Variants in INTS3 observed in about 807,000 individuals in gnomAD.
INTS3 encodes the protein integrator complex subunit 3, also known as SOSS complex subunit A.
Under a neutral mutation model 146.3 loss-of-function variants are expected in INTS3, and 34 were observed. The ratio of observed to expected loss-of-function variants is 0.23; its 90% CI spans 0.18 to 0.31. INTS3 has a LOEUF of 0.31. Among genes scored for constraint, INTS3 ranks in the 10% least tolerant of loss-of-function variants. The probability of loss-of-function intolerance (pLI) is 1.00; values close to 1 mark genes in which losing one functional copy is unlikely to be tolerated. For missense variants in INTS3, 757 were observed against 1,304.2 expected (o/e 0.58, Z 6.46); for synonymous variants, 475 against 494.9 (o/e 0.96, Z 0.53).
At chr1:153,738,101 A>G (rs1300555511) in intron 1 of INTS3, among the ~76,000 whole-genome samples, 1 of 152,038 alleles carries the variant, frequency 6.6e-6, no homozygotes, top group Non-Finnish European at 1.5e-5. Context: ...CATAATATTT[A>G]TATCATAACT....
In INTS3 at chr1:153,774,239, C is replaced by CCAT. The variant is rs1673048249; in HGVS notation, c.*971_*973dup. Reference sequence around the variant, plus strand: ...GAAGGGACTTGGCTTTGGCCACTACCCATCCTTCCTGCTGCCACTGGAGGT... The same window carrying CCAT: ...GAAGGGACTTGGCTTTGGCCACTACCCATCATCCTTCCTGCTGCCACTGGAGGT... On this transcript the variant is annotated 3_prime_UTR_variant, in exon 30 of 30. Transcript: ENST00000318967. 1 of 152,226 alleles carries CCAT rather than the reference C, an allele frequency of 6.6e-6. No individual in the cohort carries two copies. The allele number at this position is 152,226 out of a possible 1,614,324, so 9.4% of individuals were successfully genotyped here.
Position 153,752,506 on chromosome 1 carries a change from C to T in INTS3, c.859+98C>T, listed in dbSNP as rs78551758. 3,537 of 1,272,548 alleles carry T rather than the reference C, an allele frequency of 2.8e-3. 75 individuals carry two copies. In the African/African-American group the frequency reaches 0.047, roughly 17 times the overall value. 78.8% of individuals were successfully genotyped at this position (1,272,548 alleles called of 1,614,324 possible). ...GGTAGAGGTTGGTGGGTAGGAGAGT[C>T]TTTGGTGGTCAGATTTAGGAAGCCT... On this transcript the variant is annotated intron_variant, in intron 8 of 29. Coordinates refer to ENST00000318967, the MANE Select transcript of INTS3 (RefSeq NM_023015.5).
intron 3 of INTS3, among the ~76,000 whole-genome samples, chr1:153,745,055 T>C (rs1671674062): frequency 2.0e-5 from 3 of 151,990 alleles, no homozygotes; most frequent in Admixed American, 1.3e-4. Flanking sequence ...TAAAAGGTTG[T>C]TATGTATATC....
chr1:153,742,505 T>TGTGTGTGTGTGTGTGTGTGTGTGTGC (rs1016595219), intron 3 of INTS3, among the ~76,000 whole-genome samples: 1 of 151,810 alleles, frequency 6.6e-6, no homozygotes, highest in African/African-American at 2.4e-5. Flanking sequence ...TGTGTGTGTG[T>TGTGTGTGTGTGTGTGTGTGTGTGTGC]GTGCGTGCGC....
intron 1 of INTS3, among the ~76,000 whole-genome samples, chr1:153,734,350 A>T (rs1435958218): frequency 6.6e-6 from 1 of 152,162 alleles, no homozygotes; most frequent in African/African-American, 2.4e-5. Context: ...TTTGTAATCA[A>T]TTTTCCCATC....
intron 1 of INTS3, among the ~76,000 whole-genome samples, chr1:153,729,647 C>G (rs928081300): frequency 4.6e-5 from 7 of 152,126 alleles, no homozygotes; most frequent in Admixed American, 6.6e-5. Context: ...GCAGGCGGAT[C>G]ACAAGGTCAA....
At chr1:153,729,979 C>T (rs563964266) in intron 1 of INTS3, among the ~76,000 whole-genome samples, 1 of 151,970 alleles carries the variant, frequency 6.6e-6, no homozygotes, top group African/African-American at 2.4e-5. Flanking sequence ...AGTACATTAA[C>T]AGGCCTTAGC....
chr1:153,740,550 A>T, intron 1 of INTS3, 101 bp from the exon 2 acceptor site: 1 of 833,612 alleles, frequency 1.2e-6, no homozygotes, highest in Non-Finnish European at 2.1e-6. Context: ...AGCTAGATCA[A>T]TGGGCATGAT....
intron 14 of INTS3, among the ~76,000 whole-genome samples, chr1:153,762,362 T>A (rs1237901819): frequency 6.6e-6 from 1 of 152,208 alleles, no homozygotes; most frequent in African/African-American, 2.4e-5. Flanking sequence ...GAGAATTACG[T>A]GAACCTGGGA....
intron 21 of INTS3, 21 bp downstream of exon 21, chr1:153,767,848 CTG>C: frequency 6.3e-7 from 1 of 1,588,824 alleles, no homozygotes; most frequent in Non-Finnish European, 8.6e-7. Context: ...GCATCCGTAT[CTG>C]TGCCGGGGGG....
intron 17 of INTS3, 36 bp downstream of exon 17, chr1:153,763,922 C>T: frequency 1.3e-6 from 2 of 1,581,306 alleles, no homozygotes; most frequent in African/African-American, 1.3e-5. Flanking sequence ...GAGGAAGCAG[C>T]CTAGCCTGCT....
At chr1:153,767,215 T>G (rs1269059740) in intron 20 of INTS3, 1 of 155,472 alleles carries the variant, frequency 6.4e-6, no homozygotes, top group Admixed American at 6.5e-5. Context: ...CACTTGTGTT[T>G]TTGTTGTCAT....
Position 153,728,596 on chromosome 1 carries a change from A to G in INTS3, c.-39A>G. 1 of 1,575,632 alleles carries G rather than the reference A, an allele frequency of 6.3e-7. No homozygotes were observed. Among genetic ancestry groups the G allele is most frequent in the Non-Finnish European group, 8.6e-7 (1 of 1,165,430 alleles). ...TCCCGATATCTAGGACTGTCCATCC[A>G]TCCACTCCCTGACCTTTTCCCGGCT... is the stretch of plus-strand genomic sequence containing the variant. On this transcript the variant is annotated 5_prime_UTR_variant, in exon 1 of 30. Coordinates refer to ENST00000318967, the MANE Select transcript of INTS3 (RefSeq NM_023015.5).
chr1:153,736,636 G>A (rs886173198), intron 1 of INTS3, among the ~76,000 whole-genome samples: 4 of 151,582 alleles, frequency 2.6e-5, no homozygotes, highest in Non-Finnish European at 5.9e-5. Flanking sequence ...TAGTAGAGAC[G>A]GGGTTTCACC....
At chr1:153,761,287 G>C in intron 13 of INTS3, 1 of 486,474 alleles carries the variant, frequency 2.1e-6, no homozygotes. Flanking sequence ...AAGGTGGGCA[G>C]ATCACCTGAG....
intron 3 of INTS3, among the ~76,000 whole-genome samples, chr1:153,746,558 G>T (rs1220558367): frequency 6.6e-6 from 1 of 152,180 alleles, no homozygotes; most frequent in African/African-American, 2.4e-5. Context: ...CCGCCACCGT[G>T]CCCGGCTAAT....
intron 1 of INTS3, among the ~76,000 whole-genome samples, chr1:153,736,332 A>G (rs1021440233): frequency 3.9e-5 from 6 of 152,228 alleles, no homozygotes; most frequent in Non-Finnish European, 7.3e-5. Flanking sequence ...TATGGGAGCT[A>G]CAAACACTTG....
rs1013220648 is a variant in INTS3 at position 153,771,934 on chromosome 1, G to A, written c.2691G>A (p.Lys897=). The change falls in exon 26 of 30, where the codon AAG becomes AAA. Residue 897 remains lysine (K), a synonymous_variant. Coordinates refer to ENST00000318967, the MANE Select transcript of INTS3 (RefSeq NM_023015.5). The stretch of plus-strand genomic sequence containing the variant: ...AGCACATCAAGTCCCTGCTCATCAA[G>A]AACAACAGCCTGCCTCGCAAGAGAC... ...LAEHIKSLLI[K]NNSLPRKRQS... The A allele has an allele frequency of 5.0e-6, 8 of 1,613,760 alleles. No individual in the cohort carries two copies. The highest frequency in any genetic ancestry group is 6.8e-6 in the Non-Finnish European group (8 of 1,179,952).
Position 153,770,303 on chromosome 1 carries a change from A to G in INTS3, c.2495A>G (p.Lys832Arg). The change falls in exon 24 of 30, where the codon AAA (lysine) becomes AGA (arginine). Residue 832 changes from lysine (K) to arginine (R), a missense_variant. Around this residue, in one of 8 missense-constraint regions of INTS3, gnomAD observed 116 missense variants for 226.5 expected, o/e 0.51. Transcript: ENST00000318967. ...ETIIPILQHL[K>R]YKEHPEALSC... ...ATAATCCCCATCCTGCAGCACCTCA[A>G]ATACAAGGGTGAGTAGGCTTTTGGG... 6.3e-7 allele frequency: 1 copy of G among 1,596,944 alleles called. No individual in the cohort carries two copies. Among genetic ancestry groups the G allele is most frequent in the Non-Finnish European group, 8.6e-7 (1 of 1,164,376 alleles).
Sources: allele counts gnomAD v4.1 joint callset (sites outside exome capture counted in the v4.1 genomes callset), GRCh38; gene constraint gnomAD v4.1.1; regional missense constraint gnomAD v4.1.1; transcripts MANE v1.5; gene names NCBI Gene and HGNC (gene_info 2026-07-23, HGNC 2026-07-21).